The following MTR variants were observed in gnomAD, a reference collection of about 807,000 sequenced individuals.
The protein encoded by MTR is 5-methyltetrahydrofolate-homocysteine methyltransferase.
MTR carries 84 observed loss-of-function variants against 154.8 expected under a neutral mutation model. The observed-to-expected ratio is 0.54, with a 90% CI of 0.45 to 0.65. The LOEUF (loss-of-function observed/expected upper bound fraction) is 0.65, where lower values mean the gene tolerates loss of function less well. Ranked by LOEUF, MTR falls within the 30% of genes least tolerant of loss-of-function variation. MTR has a pLI of 0.00. For synonymous variants in MTR, 554 were observed against 553.9 expected (o/e 1.00, Z 0.00); for missense variants, 1,275 against 1,570.2 (o/e 0.81, Z 3.18).
chr1:236,800,710 T>C (rs10733118), intron 1 of MTR, among the ~76,000 whole-genome samples: 105,281 of 152,132 alleles, frequency 0.69, 37,247 homozygotes, highest in African/African-American at 0.84. Flanking sequence ...CTTCAGTCCT[T>C]GCTGTGCTAT....
chr1:236,836,402 A>T (rs753835687), intron 14 of MTR, among the ~76,000 whole-genome samples: 1 of 151,952 alleles, frequency 6.6e-6, no homozygotes, highest in Non-Finnish European at 1.5e-5. Context: ...CGCATCATTT[A>T]AAAAAAATTT....
intron 24 of MTR, among the ~76,000 whole-genome samples, chr1:236,875,453 C>T (rs1038692184): frequency 6.6e-6 from 1 of 152,130 alleles, no homozygotes; most frequent in African/African-American, 2.4e-5. Flanking sequence ...ATTCAGTTTA[C>T]CAGATTTTTC....
At chr1:236,855,461 G>A (rs1369905085) in intron 18 of MTR, among the ~76,000 whole-genome samples, 2 of 152,180 alleles carry the variant, frequency 1.3e-5, no homozygotes, top group Non-Finnish European at 2.9e-5. Context: ...TGGAGGCCAG[G>A]CCTCCTATGG....
intron 18 of MTR, 24 bp downstream of exon 18, chr1:236,853,112 G>C (rs1664013778): frequency 6.2e-7 from 1 of 1,613,182 alleles, no homozygotes; most frequent in Non-Finnish European, 8.5e-7. Context: ...TGTTCTAATA[G>C]ATGGATTTTT....
In MTR at chr1:236,898,405, T is replaced by A. The variant is rs1471069020; in HGVS notation, c.*761T>A. 1.2e-4 allele frequency: 2 copies of A among 16,492 alleles called. No homozygotes were observed. The highest frequency in any genetic ancestry group is 1.9e-4 in the Non-Finnish European group (2 of 10,520). The allele number at this position is 16,492 out of a possible 1,614,324, so 1.0% of individuals were successfully genotyped here. ...TTTTTTTTGTTTTGTTTTGTTTTGGTTTTTTTTTTTTTGAGACAGAGTCTG... is the reference window on the plus strand; with the variant it reads ...TTTTTTTTGTTTTGTTTTGTTTTGGATTTTTTTTTTTTGAGACAGAGTCTG... On this transcript the variant is annotated 3_prime_UTR_variant, in exon 33 of 33. Coordinates refer to ENST00000366577, the MANE Select transcript of MTR (RefSeq NM_000254.3).
chr1:236,823,267 C>T (rs1396703996), intron 8 of MTR, among the ~76,000 whole-genome samples: 1 of 152,076 alleles, frequency 6.6e-6, no homozygotes. Flanking sequence ...TTTTCGAATT[C>T]TGGAATATTT....
Position 236,828,094 on chromosome 1 carries a change from C to CA in MTR, c.996-1094dup, listed in dbSNP as rs534456856. On this transcript the variant is annotated intron_variant, in intron 11 of 32. Coordinates refer to ENST00000366577, the MANE Select transcript of MTR (RefSeq NM_000254.3). ...CCAGGTTCACGCCATTCTCCTGCCTCAGCCTCCTGAGTAGCTGGGACTACA... is the reference window on the plus strand; with the variant it reads ...CCAGGTTCACGCCATTCTCCTGCCTCAAGCCTCCTGAGTAGCTGGGACTACA... Among the ~76,000 whole-genome samples, 1,236 of 152,282 alleles carry CA rather than the reference C, an allele frequency of 8.1e-3. 9 individuals are homozygous for CA. The highest frequency in any genetic ancestry group is 0.013 in the Non-Finnish European group (891 of 68,018).
At chr1:236,891,070 A>T in intron 28 of MTR, 63 bp from the exon 29 acceptor site, 1 of 1,565,556 alleles carries the variant, frequency 6.4e-7, no homozygotes, top group Non-Finnish European at 8.8e-7. Context: ...CTTTTAAAAG[A>T]AGCATTGTTT....
intron 3 of MTR, among the ~76,000 whole-genome samples, chr1:236,808,266 T>C (rs1041491346): frequency 7.2e-5 from 11 of 152,208 alleles, no homozygotes; most frequent in African/African-American, 2.2e-4. Context: ...TCCCAACTGT[T>C]GTACATGAAT....
intron 1 of MTR, 77 bp downstream of exon 1, chr1:236,795,814 T>G: frequency 6.2e-7 from 1 of 1,606,720 alleles, no homozygotes; most frequent in East Asian, 2.2e-5. Flanking sequence ...CCTGGGGCGA[T>G]TCCCTTCTGC....
chr1:236,860,069 G>GCCCCCCCCCCCCCCCC (rs59525673), intron 19 of MTR, 147 bp downstream of exon 19: 1 of 270,546 alleles, frequency 3.7e-6, no homozygotes, highest in African/African-American at 4.5e-5. Flanking sequence ...TCCCCCAGCT[G>GCCCCCCCCCCCCCCCC]CCCCCCCCCC....
In MTR at chr1:236,897,109, C is replaced by T. The variant is rs1666667326; in HGVS notation, c.3702C>T (p.Ser1234=). The T allele has an allele frequency of 6.2e-7, 1 of 1,610,788 alleles. No homozygotes were observed. The highest frequency in any genetic ancestry group is 1.3e-5 in the African/African-American group (1 of 74,940). ...KSKYFAVGKI[S]KDQVEDYALR... The stretch of plus-strand genomic sequence containing the variant: ...AATATTTTGCTGTGGGGAAGATTTC[C>T]AAGGATCAGGTAAGCTAGCTGTTGC... Residue 1234 remains serine, a synonymous_variant, in exon 32 of 33, where the codon TCC becomes TCT. Coordinates refer to ENST00000366577, the MANE Select transcript of MTR (RefSeq NM_000254.3).
intron 27 of MTR, among the ~76,000 whole-genome samples, chr1:236,888,291 G>C (rs1448643887): frequency 6.6e-6 from 1 of 152,186 alleles, no homozygotes; most frequent in Non-Finnish European, 1.5e-5. Context: ...TGCCATGTCA[G>C]ACCAGAGTCT....
intron 26 of MTR, 42 bp from the exon 27 acceptor site, chr1:236,886,250 A>G (rs755480050): frequency 6.5e-7 from 1 of 1,539,732 alleles, no homozygotes; most frequent in Non-Finnish European, 9.0e-7. Context: ...AGTTGTAGAA[A>G]AGCTAAGAGT....
chr1:236,829,319 G>A, intron 12 of MTR, 51 bp downstream of exon 12: 1 of 1,441,010 alleles, frequency 6.9e-7, no homozygotes, highest in Non-Finnish European at 9.8e-7. Context: ...TTTGTGGAGT[G>A]TGAGTATTCT....
At chr1:236,826,742 A>G (rs1662310422) in intron 10 of MTR, 87 bp from the exon 11 acceptor site, 1 of 1,004,374 alleles carries the variant, frequency 1.0e-6, no homozygotes, top group Admixed American at 1.7e-5. Flanking sequence ...TTATTCAGGA[A>G]GTATAGACGG....
At chr1:236,808,881 G>T in intron 4 of MTR, 108 bp downstream of exon 4, 1 of 954,080 alleles carries the variant, frequency 1.0e-6, no homozygotes, top group Non-Finnish European at 1.7e-6. Flanking sequence ...TGGCTTACGA[G>T]TAACACTGCA....
At chr1:236,800,902 G>A (rs1660666762) in intron 1 of MTR, among the ~76,000 whole-genome samples, 1 of 152,178 alleles carries the variant, frequency 6.6e-6, no homozygotes, top group African/African-American at 2.4e-5. Context: ...CTGAAGCATG[G>A]AGAGGACTTG....
chr1:236,851,354 A>G (rs1663892189), intron 16 of MTR, among the ~76,000 whole-genome samples: 2 of 152,178 alleles, frequency 1.3e-5, no homozygotes, highest in Admixed American at 6.5e-5. Context: ...ACTTTTTAAA[A>G]TGGCCCCATA....
Sources: gnomAD v4.1 joint callset for allele counts (sites outside exome capture counted in the v4.1 genomes callset) on GRCh38, gnomAD v4.1.1 for gene constraint, MANE v1.5 for transcripts, NCBI Gene and HGNC (gene_info 2026-07-23, HGNC 2026-07-21) for gene names.